Variants in TM9SF3 observed in about 807,000 individuals in gnomAD.
TM9SF3 encodes transmembrane 9 superfamily member 3, also known as SM-11044-binding protein.
TM9SF3 carries 14 observed loss-of-function variants against 78.6 expected under a neutral mutation model. The observed-to-expected ratio is 0.18, with a 90% CI of 0.12 to 0.28. The LOEUF is 0.28. Ranked by LOEUF, TM9SF3 falls within the 10% of genes least tolerant of loss-of-function variation. The probability of loss-of-function intolerance (pLI) is 1.00; values close to 1 mark genes in which losing one functional copy is unlikely to be tolerated. For synonymous variants in TM9SF3, 231 were observed against 241.7 expected (o/e 0.96, Z 0.41); for missense variants, 496 against 721.9 (o/e 0.69, Z 3.59).
At chr10:96,560,685 G>T (rs1564936122) in intron 4 of TM9SF3, 1 of 592,410 alleles carries the variant, frequency 1.7e-6, no homozygotes, top group Non-Finnish European at 3.2e-6. Flanking sequence ...TGATGATGAT[G>T]ACGATTTTGA....
intron 3 of TM9SF3, 139 bp from the exon 4 acceptor site, chr10:96,562,277 C>A: frequency 1.5e-6 from 1 of 662,706 alleles, no homozygotes; most frequent in Non-Finnish European, 2.5e-6. Flanking sequence ...CTTGACTCTC[C>A]CTTCACCTTC....
chr10:96,533,219 C>T (rs1474348272), intron 9 of TM9SF3, 29 bp from the exon 10 acceptor site: 1 of 1,603,550 alleles, frequency 6.2e-7, no homozygotes, highest in African/African-American at 1.3e-5. Flanking sequence ...TGTGTGATTA[C>T]TCAGAGAACA....
intron 2 of TM9SF3, among the ~76,000 whole-genome samples, chr10:96,567,084 C>CTT (rs5787198): frequency 0.28 from 35,269 of 124,800 alleles, 6,142 homozygotes; most frequent in Admixed American, 0.35. Context: ...TGTATAAAGC[C>CTT]TTTTTTTTTT....
chr10:96,568,085 A>G (rs893710326), intron 2 of TM9SF3, among the ~76,000 whole-genome samples: 103 of 152,234 alleles, frequency 6.8e-4, no homozygotes, highest in African/African-American at 2.4e-3. Flanking sequence ...GGCTATATAA[A>G]AAGGGTGTTG....
At chr10:96,537,186 C>T (rs905887335) in intron 9 of TM9SF3, among the ~76,000 whole-genome samples, 2 of 152,132 alleles carry the variant, frequency 1.3e-5, no homozygotes, top group East Asian at 1.9e-4. Flanking sequence ...CTCTCATGTG[C>T]CACATAACAA....
In TM9SF3 at chr10:96,522,345, T is replaced by C. The variant is rs1847787075; in HGVS notation, c.1703-15A>G. 4 of 1,555,504 alleles carry C rather than the reference T, an allele frequency of 2.6e-6. No individual in the cohort carries two copies. Among genetic ancestry groups the C allele is most frequent in the East Asian group, 2.3e-5 (1 of 42,558 alleles). On this transcript the variant is annotated splice_polypyrimidine_tract_variant and intron_variant, in intron 14 of 14. Transcript: ENST00000371142. ...ACCAATCGCTCCTGCAAAGATAAAA[T>C]AAGATGTTTTGAAACAAATACATAC...
intron 14 of TM9SF3, 129 bp from the exon 15 acceptor site, chr10:96,522,459 C>G (rs1847789048): frequency 1.5e-6 from 1 of 674,786 alleles, no homozygotes; most frequent in African/African-American, 1.9e-5. Flanking sequence ...TGTTAGTATT[C>G]TCTCTGAACT....
At chr10:96,571,835 A>C (rs1486272389) in intron 2 of TM9SF3, among the ~76,000 whole-genome samples, 1 of 152,196 alleles carries the variant, frequency 6.6e-6, no homozygotes, top group East Asian at 1.9e-4. Flanking sequence ...CACAATTAAC[A>C]CACTTCATTA....
chr10:96,562,215 A>G, intron 3 of TM9SF3, 77 bp from the exon 4 acceptor site: 2 of 953,034 alleles, frequency 2.1e-6, no homozygotes, highest in Non-Finnish European at 1.5e-6. Context: ...ATGCTCATTA[A>G]GTTTTTTTTT....
intron 1 of TM9SF3, among the ~76,000 whole-genome samples, chr10:96,582,030 C>G (rs1396088768): frequency 6.6e-6 from 1 of 152,090 alleles, no homozygotes; most frequent in African/African-American, 2.4e-5. Flanking sequence ...TAGTAGCTCC[C>G]TAATTATTCA....
chr10:96,551,353 G>A lies in TM9SF3; in HGVS notation c.851C>T (p.Pro284Leu). 1.2e-6 allele frequency: 2 copies of A among 1,612,630 alleles called. No individual in the cohort carries two copies. Among genetic ancestry groups the A allele is most frequent in the Non-Finnish European group, 1.7e-6 (2 of 1,179,376 alleles). Residue 284 changes from proline (P) to leucine (L), a missense_variant, in exon 7 of 15, where the codon CCA becomes CTA. By Grantham distance (98) the Pro-to-Leu change is moderately conservative. This residue lies in a region of TM9SF3 where 280 missense variants were observed against 422.6 expected (regional missense o/e 0.66). Coordinates refer to ENST00000371142, the MANE Select transcript of TM9SF3 (RefSeq NM_020123.4). Reference protein sequence around the residue: ...WKQVHGDVFRPSSHPLIFSSL... With the variant: ...WKQVHGDVFRLSSHPLIFSSL... ...GGAAAATATCAGTGGGTGACTTGAT[G>A]GTCTAAATACATCTCCATGCACCTG...
rs111900939 is a variant in TM9SF3, at chr10:96,558,367, C to A, written c.660+1292G>T. ...TTCAGTAAAGACAATCCAGGCAGGG[C>A]GCGGTGGCTCACGCCTGTAATCTCA... On this transcript the variant is annotated intron_variant, in intron 5 of 14. Coordinates refer to ENST00000371142, the MANE Select transcript of TM9SF3 (RefSeq NM_020123.4). Among the ~76,000 whole-genome samples, 900 of 152,128 alleles carry A rather than the reference C, an allele frequency of 5.9e-3. 6 individuals are homozygous for A. The highest frequency in any genetic ancestry group is 0.024 in the Middle Eastern group (7 of 294).
At chr10:96,534,129 T>C (rs1395046220) in intron 9 of TM9SF3, among the ~76,000 whole-genome samples, 3 of 152,180 alleles carry the variant, frequency 2.0e-5, no homozygotes, top group African/African-American at 7.2e-5. Flanking sequence ...TCCACAGTGA[T>C]TGCACAAGAA....
At chr10:96,548,729 C>CA in intron 7 of TM9SF3, among the ~76,000 whole-genome samples, 1 of 135,164 alleles carries the variant, frequency 7.4e-6, no homozygotes, top group Middle Eastern at 4.6e-3. Context: ...ACCTGGGAGG[C>CA]AGAGGTGGCA....
intron 2 of TM9SF3, among the ~76,000 whole-genome samples, chr10:96,571,183 G>C (rs2031326): frequency 0.21 from 31,342 of 152,176 alleles, 3,588 homozygotes; most frequent in Admixed American, 0.31. Flanking sequence ...GAGACACTCA[G>C]GACTTGGAGG....
At chr10:96,582,354 G>A in intron 1 of TM9SF3, among the ~76,000 whole-genome samples, 1 of 152,192 alleles carries the variant, frequency 6.6e-6, no homozygotes, top group East Asian at 1.9e-4. Context: ...AACCTGTACA[G>A]GCCATTAGGA....
intron 14 of TM9SF3, among the ~76,000 whole-genome samples, chr10:96,526,683 C>A (rs2134128873): frequency 6.6e-6 from 1 of 152,216 alleles, no homozygotes; most frequent in East Asian, 1.9e-4. Flanking sequence ...ACAGCTAGAA[C>A]TTAAGTCCAG....
intron 1 of TM9SF3, among the ~76,000 whole-genome samples, chr10:96,583,093 A>AT (rs1340607233): frequency 3.3e-4 from 50 of 151,548 alleles, no homozygotes; most frequent in African/African-American, 1.2e-3. Flanking sequence ...AAAAAAAAAA[A>AT]GAAAAAAAAG....
At chr10:96,585,008 T>C (rs1408214817) in intron 1 of TM9SF3, among the ~76,000 whole-genome samples, 2 of 152,174 alleles carry the variant, frequency 1.3e-5, no homozygotes, top group African/African-American at 2.4e-5. Context: ...AAAACTGAAA[T>C]AGTCCTAGCA....
Sources: allele counts gnomAD v4.1 joint callset (sites outside exome capture counted in the v4.1 genomes callset), GRCh38; gene constraint gnomAD v4.1.1; regional missense constraint gnomAD v4.1.1; transcripts MANE v1.5; gene names NCBI Gene and HGNC (gene_info 2026-07-23, HGNC 2026-07-21).